MAP4K4: variants seen among roughly 807,000 people sequenced by gnomAD.
The protein encoded by MAP4K4 is HPK/GCK-like kinase HGK.
A neutral mutation model predicts 189.6 loss-of-function variants in MAP4K4; 38 were observed. The ratio of observed to expected loss-of-function variants is 0.20; its 90% CI spans 0.15 to 0.26. MAP4K4 has a LOEUF of 0.26. Among genes scored for constraint, MAP4K4 ranks in the 10% least tolerant of loss-of-function variants. The pLI is 1.00. For missense variants in MAP4K4, 1,054 were observed against 1,726.9 expected, an observed-to-expected ratio of 0.61 and a Z score of 6.91; for synonymous variants, 610 against 624.3, an observed-to-expected ratio of 0.98 and a Z score of 0.34.
chr2:101,827,259 C>T, intron 5 of MAP4K4, among the ~76,000 whole-genome samples: 1 of 152,124 alleles, frequency 6.6e-6, no homozygotes, highest in South Asian at 2.1e-4. Flanking sequence ...GCATCTGAAA[C>T]ACAAGCTTCC....
chr2:101,887,117 A>G (rs1367844960), exon 30 of MAP4K4: 1 of 1,599,556 alleles, frequency 6.3e-7, no homozygotes. Context: ...ATAAGCCATT[A>G]CTGGTGGATC....
intron 2 of MAP4K4, among the ~76,000 whole-genome samples, chr2:101,708,117 CA>C (rs2043364215): frequency 6.6e-6 from 1 of 152,080 alleles, no homozygotes; most frequent in South Asian, 2.1e-4. Flanking sequence ...TTTTAGCTGT[CA>C]AAACCTGATA....
At chr2:101,762,948 C>T (rs1295108779) in intron 2 of MAP4K4, among the ~76,000 whole-genome samples, 1 of 152,078 alleles carries the variant, frequency 6.6e-6, no homozygotes, top group Non-Finnish European at 1.5e-5. Context: ...TGAGTGGCCG[C>T]CATTTGTGGA....
intron 12 of MAP4K4, among the ~76,000 whole-genome samples, chr2:101,855,657 C>T (rs895024394): frequency 6.6e-6 from 1 of 152,100 alleles, no homozygotes; most frequent in African/African-American, 2.4e-5. Context: ...TCCTGCATAA[C>T]CCTGTTAATG....
chr2:101,807,806 A>G (rs990630649), intron 3 of MAP4K4, among the ~76,000 whole-genome samples: 1 of 152,202 alleles, frequency 6.6e-6, no homozygotes, highest in African/African-American at 2.4e-5. Flanking sequence ...GAACCAGGGA[A>G]GGAGCGCTCT....
intron 2 of MAP4K4, among the ~76,000 whole-genome samples, chr2:101,781,353 C>T (rs2087320169): frequency 6.6e-6 from 1 of 152,142 alleles, no homozygotes; most frequent in Admixed American, 6.6e-5. Context: ...CAGATCTTCC[C>T]TCCCCCTTTG....
Position 101,855,913 on chromosome 2 carries a change from A to C in MAP4K4, c.1234-64A>C, listed in dbSNP as rs1032095927. Reference sequence around the variant, plus strand: ...CCACCTGGCACTGACTGATCAGCACACTATAACATCATGAGAAAGATGGCG... The same window carrying C: ...CCACCTGGCACTGACTGATCAGCACCCTATAACATCATGAGAAAGATGGCG... On this transcript the variant is annotated intron_variant, in intron 12 of 32. Transcript: ENST00000324219. 1.3e-5 allele frequency: 20 copies of C among 1,488,872 alleles called. No homozygotes were observed. The African/African-American group carries it at 2.5e-4, about 19-fold the overall frequency. The allele number at this position is 1,488,872 out of a possible 1,614,324, so 92.2% of individuals were successfully genotyped here.
Position 101,808,721 on chromosome 2 carries a change from G to GA in MAP4K4, c.181-15200dup, listed in dbSNP as rs545730311. On this transcript the variant is annotated intron_variant, in intron 3 of 32. Transcript: ENST00000324219. ...ATAAAATATAGAGAAGTAAAAAGATGAAAAAAATTACACTCATAATTCCAT... is the reference window on the plus strand; with the variant it reads ...ATAAAATATAGAGAAGTAAAAAGATGAAAAAAAATTACACTCATAATTCCAT... Among the ~76,000 whole-genome samples, 207 of 152,040 alleles carry GA rather than the reference G, an allele frequency of 1.4e-3. 2 individuals carry two copies. The highest frequency in any genetic ancestry group is 4.8e-3 in the African/African-American group (197 of 41,462).
At chr2:101,757,690 G>A (rs2150085886) in intron 2 of MAP4K4, among the ~76,000 whole-genome samples, 1 of 152,188 alleles carries the variant, frequency 6.6e-6, no homozygotes, top group Admixed American at 6.5e-5. Flanking sequence ...TGTAAGTTAG[G>A]CACAGTAAGA....
intron 2 of MAP4K4, among the ~76,000 whole-genome samples, chr2:101,758,556 G>C (rs2074117669): frequency 6.6e-6 from 1 of 152,154 alleles, no homozygotes; most frequent in Non-Finnish European, 1.5e-5. Context: ...TGCGGATTTG[G>C]TTATACTTGG....
chr2:101,877,476 CTT>C (rs571878053), intron 27 of MAP4K4, among the ~76,000 whole-genome samples: 9,289 of 132,666 alleles, frequency 0.07, 338 homozygotes, highest in African/African-American at 0.14. Flanking sequence ...TTCCACCAGA[CTT>C]TTTTTTTTTT....
intron 20 of MAP4K4, 94 bp from the exon 21 acceptor site, chr2:101,867,935 T>C: frequency 8.2e-7 from 1 of 1,213,632 alleles, no homozygotes; most frequent in Non-Finnish European, 1.2e-6. Flanking sequence ...TCTGTACTTC[T>C]CCCTCTCCCC....
intron 2 of MAP4K4, among the ~76,000 whole-genome samples, chr2:101,766,149 A>G (rs1034928025): frequency 4.6e-4 from 70 of 152,240 alleles, no homozygotes; most frequent in African/African-American, 1.6e-3. Context: ...CCCTTGCCTG[A>G]TGAATTGAAC....
chr2:101,844,555 C>T (rs2097029804), intron 12 of MAP4K4, among the ~76,000 whole-genome samples: 1 of 152,316 alleles, frequency 6.6e-6, no homozygotes, highest in East Asian at 1.9e-4. Flanking sequence ...CACAGTTACT[C>T]ATCAACATAC....
chr2:101,729,912 T>C (rs189307702), intron 2 of MAP4K4, among the ~76,000 whole-genome samples: 35 of 152,302 alleles, frequency 2.3e-4, no homozygotes, highest in African/African-American at 7.9e-4. Flanking sequence ...CAGGTTTGTG[T>C]TTCCTGCAAC....
chr2:101,797,092 A>G (rs2093776990), intron 3 of MAP4K4: 1 of 537,102 alleles, frequency 1.9e-6, no homozygotes, highest in Non-Finnish European at 2.8e-6. Context: ...GTGATAACAC[A>G]AGGCCATATA....
chr2:101,712,788 G>A (rs567624594), intron 2 of MAP4K4, among the ~76,000 whole-genome samples: 2 of 152,000 alleles, frequency 1.3e-5, no homozygotes, highest in South Asian at 2.1e-4. Context: ...GAGCCACTGC[G>A]CCAGGCCGAG....
chr2:101,717,417 CTT>C (rs2048986001), intron 2 of MAP4K4, among the ~76,000 whole-genome samples: 1 of 152,154 alleles, frequency 6.6e-6, no homozygotes, highest in Non-Finnish European at 1.5e-5. Flanking sequence ...AGTTTTAGTT[CTT>C]AGCACCAATA....
At position 101,863,855 on chromosome 2, in the gene MAP4K4, A is replaced by G. The variant is rs61741756; in HGVS notation, c.1901A>G (p.Asn634Ser). ...TCCCACCTGGCATCTCTCAAGAACA[A>G]TGTTTCCCCTGTCTCGCGATCCCAT... is the stretch of plus-strand genomic sequence containing the variant. The change falls in exon 17 of 33, where the codon AAT (asparagine) becomes AGT (serine). Residue 634 changes from asparagine to serine, a missense_variant. Asn to Ser is a conservative substitution (Grantham distance 46). Transcript: ENST00000324219. The G allele has an allele frequency of 5.9e-4, 801 of 1,367,664 alleles. 6 individuals carry two copies. In the African/African-American group the frequency reaches 0.011, roughly 18 times the overall value. 84.7% of individuals were successfully genotyped at this position (1,367,664 alleles called of 1,614,324 possible). A position where few individuals can be genotyped will look rare whatever the true frequency, so the allele number is the denominator to read the frequency against.
Sources: allele counts gnomAD v4.1 joint callset (sites outside exome capture counted in the v4.1 genomes callset), GRCh38; gene constraint gnomAD v4.1.1; transcripts MANE v1.5; gene names NCBI Gene and HGNC (gene_info 2026-07-23, HGNC 2026-07-21).